The following CACNA2D1 variants were observed in gnomAD, a reference collection of about 807,000 sequenced individuals.
CACNA2D1 encodes calcium voltage-gated channel auxiliary subunit alpha2delta 1.
CACNA2D1 carries 53 observed loss-of-function variants against 171.5 expected under a neutral mutation model. The observed-to-expected ratio is 0.31, with a 90% CI of 0.25 to 0.39. The LOEUF is 0.39. CACNA2D1 is among the 10% of genes least tolerant of loss of function. The probability of loss-of-function intolerance (pLI) is 1.00; values close to 1 mark genes in which losing one functional copy is unlikely to be tolerated. For synonymous variants in CACNA2D1, 442 were observed against 443.1 expected, an observed-to-expected ratio of 1.00 and a Z score of 0.03; for missense variants, 903 against 1,299.8, an observed-to-expected ratio of 0.69 and a Z score of 4.69.
intron 4 of CACNA2D1, among the ~76,000 whole-genome samples, chr7:82,169,060 G>T (rs73387964): frequency 0.065 from 9,846 of 151,970 alleles, 664 homozygotes; most frequent in African/African-American, 0.17. Context: ...GGGACATAAG[G>T]GAAGAGTAAT....
intron 24 of CACNA2D1, among the ~76,000 whole-genome samples, chr7:81,975,508 C>T (rs542706559): frequency 4.6e-5 from 7 of 152,068 alleles, no homozygotes; most frequent in African/African-American, 1.2e-4. Flanking sequence ...TCAGATATTG[C>T]GGCTGTTCTG....
chr7:82,181,128 G>A (rs1298089902), intron 3 of CACNA2D1, among the ~76,000 whole-genome samples: 4 of 133,092 alleles, frequency 3.0e-5, no homozygotes, highest in Non-Finnish European at 4.7e-5. Context: ...GACTACGAGG[G>A]GAAGAGAAGT....
chr7:81,962,160 G>A (rs1407395102), intron 35 of CACNA2D1, 137 bp from the exon 36 acceptor site: 13 of 771,324 alleles, frequency 1.7e-5, no homozygotes, highest in East Asian at 1.0e-4. Flanking sequence ...CTTGTTTACT[G>A]CTGTGTAATA....
chr7:82,416,093 T>G (rs1442001668), intron 1 of CACNA2D1, among the ~76,000 whole-genome samples: 1 of 151,900 alleles, frequency 6.6e-6, no homozygotes, highest in Non-Finnish European at 1.5e-5. Context: ...CGGGCACCTG[T>G]AATCCCAGCT....
At chr7:82,269,390 A>ACC (rs1450083903) in intron 3 of CACNA2D1, among the ~76,000 whole-genome samples, 1 of 152,020 alleles carries the variant, frequency 6.6e-6, no homozygotes, top group African/African-American at 2.4e-5. Context: ...GCTATACAAG[A>ACC]CCCTTCATTA....
At chr7:82,051,413 T>A (rs948808312) in intron 10 of CACNA2D1, among the ~76,000 whole-genome samples, 1 of 152,210 alleles carries the variant, frequency 6.6e-6, no homozygotes, top group South Asian at 2.1e-4. Context: ...ACTAACTTTT[T>A]AAAAAGTTAT....
intron 3 of CACNA2D1, among the ~76,000 whole-genome samples, chr7:82,321,124 C>A (rs920000815): frequency 1.3e-5 from 2 of 152,030 alleles, no homozygotes; most frequent in Non-Finnish European, 2.9e-5. Context: ...GGGTGCTGGG[C>A]GCAATGGCTC....
intron 2 of CACNA2D1, among the ~76,000 whole-genome samples, chr7:82,348,931 T>G (rs1485643957): frequency 6.6e-6 from 1 of 152,160 alleles, no homozygotes; most frequent in East Asian, 1.9e-4. Context: ...TAAATGCTCT[T>G]ACCCATGGAA....
At chr7:82,435,335 C>A (rs981930781) in intron 1 of CACNA2D1, among the ~76,000 whole-genome samples, 5 of 152,088 alleles carry the variant, frequency 3.3e-5, no homozygotes, top group African/African-American at 4.8e-5. Context: ...CCATGCCCGG[C>A]CCAGATACAT....
At chr7:82,056,087 A>G (rs928387410) in intron 10 of CACNA2D1, among the ~76,000 whole-genome samples, 3 of 151,560 alleles carry the variant, frequency 2.0e-5, no homozygotes, top group Non-Finnish European at 4.4e-5. Flanking sequence ...CCAAGAAAAC[A>G]AAAGAAGATA....
At chr7:82,165,033 T>C (rs1795295592) in intron 4 of CACNA2D1, among the ~76,000 whole-genome samples, 1 of 151,982 alleles carries the variant, frequency 6.6e-6, no homozygotes, top group Admixed American at 6.6e-5. Flanking sequence ...GATTCAGCTC[T>C]GCATGGCTGA....
At chr7:82,326,440 T>C (rs974340955) in intron 3 of CACNA2D1, among the ~76,000 whole-genome samples, 2 of 152,320 alleles carry the variant, frequency 1.3e-5, no homozygotes, top group Admixed American at 6.5e-5. Context: ...GGGCAAATTA[T>C]TGAACTTCTC....
At chr7:82,025,090 T>C (rs1801711010) in intron 12 of CACNA2D1, among the ~76,000 whole-genome samples, 1 of 151,788 alleles carries the variant, frequency 6.6e-6, no homozygotes, top group African/African-American at 2.4e-5. Flanking sequence ...CCTCCAGCTT[T>C]AGTCTTGTTT....
intron 2 of CACNA2D1, among the ~76,000 whole-genome samples, chr7:82,346,302 C>T (rs761515735): frequency 2.0e-5 from 3 of 152,284 alleles, no homozygotes; most frequent in Middle Eastern, 6.8e-3. Context: ...TATACAATGT[C>T]ACCAAGTAAT....
chr7:82,252,274 T>G (rs78607505), intron 3 of CACNA2D1, among the ~76,000 whole-genome samples: 1,708 of 152,232 alleles, frequency 0.011, 24 homozygotes, highest in African/African-American at 0.039. Context: ...ACAACTATGC[T>G]CTGAGGTAGT....
chr7:82,259,474 G>A (rs1488489132), intron 3 of CACNA2D1, among the ~76,000 whole-genome samples: 1 of 152,196 alleles, frequency 6.6e-6, no homozygotes, highest in Non-Finnish European at 1.5e-5. Context: ...AAGCTTTCAT[G>A]TGAATCTCTC....
chr7:82,338,199 A>G (rs1175055633), intron 2 of CACNA2D1, among the ~76,000 whole-genome samples: 2 of 152,190 alleles, frequency 1.3e-5, no homozygotes, highest in Admixed American at 6.5e-5. Flanking sequence ...ATATTACTCA[A>G]TGATATAATT....
chr7:82,102,204 C>G (rs1184198621), intron 6 of CACNA2D1, among the ~76,000 whole-genome samples: 1 of 151,598 alleles, frequency 6.6e-6, no homozygotes, highest in African/African-American at 2.4e-5. Flanking sequence ...TCCTGAAAAT[C>G]TGATTGAGAA....
chr7:82,221,215 T>C (rs1228765831), intron 3 of CACNA2D1, among the ~76,000 whole-genome samples: 2 of 152,200 alleles, frequency 1.3e-5, no homozygotes, highest in Non-Finnish European at 2.9e-5. Flanking sequence ...ACATGCATGA[T>C]TTGTACTCTG....
Sources: allele counts gnomAD v4.1 joint callset (sites outside exome capture counted in the v4.1 genomes callset), GRCh38; gene constraint gnomAD v4.1.1; transcripts MANE v1.5; gene names NCBI Gene and HGNC (gene_info 2026-07-23, HGNC 2026-07-21).